Variants in MAPK15 observed in about 807,000 individuals in gnomAD.
MAPK15 encodes mitogen-activated protein kinase 15.
Under a neutral mutation model 60.8 loss-of-function variants are expected in MAPK15, and 61 were observed. That is an observed-to-expected ratio of 1.00 (90% confidence interval 0.82 to 1.24). MAPK15 has a LOEUF of 1.24. MAPK15 is among the 50% of genes most tolerant of loss of function. The pLI is 0.00. For missense variants in MAPK15, 808 were observed against 741.1 expected, an observed-to-expected ratio of 1.09 and a Z score of -1.05; for synonymous variants, 356 against 319.9, an observed-to-expected ratio of 1.11 and a Z score of -1.21.
chr8:143,718,021 A>G (rs782390013), intron 2 of MAPK15, 26 bp from the exon 3 acceptor site: 1 of 1,614,048 alleles, frequency 6.2e-7, no homozygotes, highest in East Asian at 2.2e-5. Flanking sequence ...CCACCCACCC[A>G]CACACCTGTG....
chr8:143,720,212 C>T lies in MAPK15; in HGVS notation c.722-18C>T, dbSNP rs1554619376. On this transcript the variant is annotated intron_variant, in intron 7 of 13. Coordinates refer to ENST00000338033, the MANE Select transcript of MAPK15 (RefSeq NM_139021.3). This position sits in a 1 kb window ranked among gnomAD's most constrained non-coding sequence, Gnocchi z 4.6. ...CCGACCAGGCCTGCCTGGGTCACAC[C>T]ACCTTCTGCTGCCCCAGACCTCCTG... The T allele has an allele frequency of 2.6e-6, 4 of 1,560,470 alleles. No individual in the cohort carries two copies. The Admixed American group carries it at 7.6e-5, about 30-fold the overall frequency.
Position 143,717,754 on chromosome 8 carries a change from A to G in MAPK15, c.127A>G (p.Lys43Glu), listed in dbSNP as rs200988940. Residue 43 changes from lysine to glutamate, a missense_variant, in exon 2 of 14, where the codon AAA (lysine) becomes GAA (glutamate). Lys to Glu is a moderately conservative substitution (Grantham distance 56). Transcript: ENST00000338033. ...GACTGGTGAGGTCGTGGCCATCAAG[A>G]AAATCTTTGATGCTTTTAGGGATAA... ...RRTGEVVAIKKIFDAFRDKTD... is the reference protein window; with the variant it reads ...RRTGEVVAIKEIFDAFRDKTD... 2.9e-4 allele frequency: 471 copies of G among 1,612,424 alleles called. No homozygotes were observed. Among genetic ancestry groups the G allele is most frequent in the Non-Finnish European group, 3.8e-4 (450 of 1,179,536 alleles).
In MAPK15 at chr8:143,722,456, C is replaced by G. The variant is rs1818125635; in HGVS notation, c.*205C>G. On this transcript the variant is annotated 3_prime_UTR_variant, in exon 14 of 14. Coordinates refer to ENST00000338033, the MANE Select transcript of MAPK15 (RefSeq NM_139021.3). The stretch of plus-strand genomic sequence containing the variant: ...CCTCCAATAAAGTCATGTCTGCCCC[C>G]AACCTAAGCAGCCATCGTTCCTCCC... 1 of 501,268 alleles carries G rather than the reference C, an allele frequency of 2.0e-6. No homozygotes were observed. The highest frequency in any genetic ancestry group is 3.5e-6 in the Non-Finnish European group (1 of 288,068). The allele number at this position is 501,268 out of a possible 1,614,324, so 31.1% of individuals were successfully genotyped here.
Position 143,719,337 on chromosome 8 carries a change from C to T in MAPK15, c.582-6C>T, listed in dbSNP as rs370285501. 240 of 1,596,278 alleles carry T rather than the reference C, an allele frequency of 1.5e-4. No homozygotes were observed. The highest frequency in any genetic ancestry group is 2.0e-4 in the Non-Finnish European group (230 of 1,170,126). ...CTCTCCATGCCTACACCGCTTCCTG[C>T]CCCAGATACACCCTTGGGGTGGACA... On this transcript the variant is annotated splice_region_variant and splice_polypyrimidine_tract_variant and intron_variant, in intron 6 of 13. Coordinates refer to ENST00000338033, the MANE Select transcript of MAPK15 (RefSeq NM_139021.3).
In MAPK15 at chr8:143,721,346, GGACACCTGTGCAGGGTCCCA is replaced by G. The variant is rs1563752156; in HGVS notation, c.1143_1162del (p.Pro382GlnfsTer9). ...AGAGCCGACCCTCAGCTGCCTTCTA[GGACACCTGTGCAGGGTCCCA>G]GACCCAGGCCCCAGAGCAGCCCAGG... On this transcript the variant is annotated frameshift_variant, in exon 11 of 14. Coordinates refer to ENST00000338033, the MANE Select transcript of MAPK15 (RefSeq NM_139021.3). LOFTEE classifies it high-confidence loss of function. 1 of 1,613,624 alleles carries G rather than the reference GGACACCTGTGCAGGGTCCCA, an allele frequency of 6.2e-7. No individual in the cohort carries two copies. The highest frequency in any genetic ancestry group is 2.2e-5 in the East Asian group (1 of 44,858).
Position 143,721,665 on chromosome 8 carries a change from C to G in MAPK15, c.1321C>G (p.Leu441Val). Residue 441 changes from leucine (L) to valine (V), a missense_variant, in exon 12 of 14, where the codon CTC becomes GTC. Physicochemically the swap from Leu to Val is conservative, Grantham distance 32 (BLOSUM62 1). Transcript: ENST00000338033. The stretch of plus-strand genomic sequence containing the variant: ...GGCGAAGGAAGCGCCCCCCTTGACA[C>G]TCTCGCTGGTAAGTCATGGTGGGGC... ...PGAKEAPPLT[L>V]SLVKPSGRGA... The G allele has an allele frequency of 6.2e-7, 1 of 1,608,562 alleles. No homozygotes were observed. The highest frequency in any genetic ancestry group is 1.7e-4 in the Middle Eastern group (1 of 6,028).
chr8:143,721,962 A>G, intron 13 of MAPK15, 82 bp downstream of exon 13: 2 of 1,250,890 alleles, frequency 1.6e-6, no homozygotes, highest in Non-Finnish European at 2.0e-6. Context: ...TCCCTTCCCC[A>G]TGCTTCCCAT....
At chr8:143,717,935 C>T (rs533861590) in intron 2 of MAPK15, 112 bp from the exon 3 acceptor site, 159 of 1,534,040 alleles carry the variant, frequency 1.0e-4, no homozygotes, top group Non-Finnish European at 1.3e-4. Flanking sequence ...CCCCTTGCCA[C>T]GCCTGGTCTG....
rs1208066490 is a variant in MAPK15 at position 143,720,055 on chromosome 8, G to A, written c.722-175G>A. On this transcript the variant is annotated intron_variant, in intron 7 of 13. Coordinates refer to ENST00000338033, the MANE Select transcript of MAPK15 (RefSeq NM_139021.3). This position sits in a 1 kb window ranked among gnomAD's most constrained non-coding sequence, Gnocchi z 4.6. ...GCAGGGGTCATGTGCGGGTGCTCCC[G>A]TGCACAGGCTGGGTGGCACGCCCTG... 18 of 894,982 alleles carry A rather than the reference G, an allele frequency of 2.0e-5. No homozygotes were observed. In the Middle Eastern group the frequency reaches 1.4e-3, roughly 68 times the overall value. The allele number at this position is 894,982 out of a possible 1,614,324, so 55.4% of individuals were successfully genotyped here.
chr8:143,719,767 G>C lies in MAPK15; in HGVS notation c.721+285G>C, dbSNP rs557569447. ...GCTGGACAAGGTCCCCAAGGGATTCGGGTAGCAGGGGCAGGGACTGTCACT... is the reference window on the plus strand; with the variant it reads ...GCTGGACAAGGTCCCCAAGGGATTCCGGTAGCAGGGGCAGGGACTGTCACT... On this transcript the variant is annotated intron_variant, in intron 7 of 13. Coordinates refer to ENST00000338033, the MANE Select transcript of MAPK15 (RefSeq NM_139021.3). 8.1e-4 allele frequency among the ~76,000 whole-genome samples: 124 copies of C among 152,288 alleles called. 1 individual carries two copies. In the Middle Eastern group the frequency reaches 0.014, roughly 17 times the overall value.
chr8:143,718,727 G>GGGCCCCCCCCCCCCCCCCC, intron 4 of MAPK15, 48 bp from the exon 5 acceptor site: 1 of 514,516 alleles, frequency 1.9e-6, no homozygotes, highest in East Asian at 3.3e-5. Flanking sequence ...CCCCCAGGTT[G>GGGCCCCCCCCCCCCCCCCC]CCCCCCCAGC....
rs782573328 is a variant in MAPK15 at position 143,717,674 on chromosome 8, G to GT, written c.67-19dup. The GT allele has an allele frequency of 1.3e-5, 20 of 1,581,678 alleles. 2 individuals are homozygous for GT. In the South Asian group the frequency reaches 2.2e-4, roughly 17 times the overall value. ...GATGGGGGGAAGGGGCTGGCCCTGTGTGACGGCACTCCTTCCCAGGCCTAT... is the reference window on the plus strand; with the variant it reads ...GATGGGGGGAAGGGGCTGGCCCTGTGTTGACGGCACTCCTTCCCAGGCCTAT... On this transcript the variant is annotated intron_variant, in intron 1 of 13. Coordinates refer to ENST00000338033, the MANE Select transcript of MAPK15 (RefSeq NM_139021.3).
In MAPK15 at chr8:143,721,231, A is replaced by G; in HGVS notation, c.1024A>G (p.Met342Val). 1 of 1,606,960 alleles carries G rather than the reference A, an allele frequency of 6.2e-7. No individual in the cohort carries two copies. Among genetic ancestry groups the G allele is most frequent in the Non-Finnish European group, 8.5e-7 (1 of 1,176,510 alleles). The change falls in exon 11 of 14, where the codon ATG (methionine) becomes GTG (valine). Residue 342 changes from methionine to valine, a missense_variant and splice_region_variant. Met to Val is a conservative substitution (Grantham distance 21). Coordinates refer to ENST00000338033, the MANE Select transcript of MAPK15 (RefSeq NM_139021.3). ...VPEYRSRVYQ[M>V]ILECGGSSGT... ...TCTGAGCACCCTTCCCCTCCCGCAGATGATCCTGGAGTGTGGAGGCAGCAG... is the reference window on the plus strand; with the variant it reads ...TCTGAGCACCCTTCCCCTCCCGCAGGTGATCCTGGAGTGTGGAGGCAGCAG...
chr8:143,721,790 C>A lies in MAPK15; in HGVS notation c.1368C>A (p.Thr456=). The A allele has an allele frequency of 6.2e-7, 1 of 1,613,290 alleles. No homozygotes were observed. Among genetic ancestry groups the A allele is most frequent in the Non-Finnish European group, 8.5e-7 (1 of 1,179,828 alleles). Residue 456 remains threonine (T), a synonymous_variant, in exon 13 of 14, where the codon ACC becomes ACA. Coordinates refer to ENST00000338033, the MANE Select transcript of MAPK15 (RefSeq NM_139021.3). ...PSGRGAAPSL[T]SQAAAQVANQ... The stretch of plus-strand genomic sequence containing the variant: ...GGAGGGGAGCTGCGCCCTCCCTGAC[C>A]TCCCAGGCTGCGGCTCAGGTGGCCA...
rs782272659 is a variant in MAPK15, at chr8:143,717,798, T to C, written c.165+6T>C. Reference sequence around the variant, plus strand: ...GGGATAAGACAGATGCCCAGGTGAGTGTGTGGGGAGAAGCGTGGGAGAGGA... The same window carrying C: ...GGGATAAGACAGATGCCCAGGTGAGCGTGTGGGGAGAAGCGTGGGAGAGGA... On this transcript the variant is annotated splice_donor_region_variant and intron_variant, in intron 2 of 13. Transcript: ENST00000338033. The C allele has an allele frequency of 6.2e-7, 1 of 1,607,858 alleles. No homozygotes were observed. Among genetic ancestry groups the C allele is most frequent in the Non-Finnish European group, 8.5e-7 (1 of 1,177,178 alleles).
At chr8:143,716,576 G>A (rs1554618410) in intron 1 of MAPK15, 133 bp downstream of exon 1, 1 of 754,558 alleles carries the variant, frequency 1.3e-6, no homozygotes, top group East Asian at 3.3e-5. Flanking sequence ...CCGTAGGCGG[G>A]AGAGGTGGTC....
chr8:143,722,006 G>A, intron 13 of MAPK15, 69 bp from the exon 14 acceptor site: 4 of 1,549,494 alleles, frequency 2.6e-6, no homozygotes, highest in South Asian at 1.2e-5. Context: ...ATCTCTCGAG[G>A]ACCTCAAGGC....
chr8:143,718,057 G>T lies in MAPK15; in HGVS notation c.176G>T (p.Arg59Leu), dbSNP rs139756179. ...TTTCTGTCTCTTCAGAGAACATTCCGGGAAATCACGCTCCTCCAGGTGAGT... is the reference window on the plus strand; with the variant it reads ...TTTCTGTCTCTTCAGAGAACATTCCTGGAAATCACGCTCCTCCAGGTGAGT... ...RDKTDAQRTF[R>L]EITLLQEFGD... The change falls in exon 3 of 14, where the codon CGG (arginine) becomes CTG (leucine). Residue 59 changes from arginine (R) to leucine (L), a missense_variant. Arg to Leu is a moderately radical substitution (Grantham distance 102, BLOSUM62 -2). Transcript: ENST00000338033. 1 of 1,614,102 alleles carries T rather than the reference G, an allele frequency of 6.2e-7. No homozygotes were observed. The highest frequency in any genetic ancestry group is 1.1e-5 in the South Asian group (1 of 91,086).
chr8:143,718,657 C>T (rs527829373), intron 4 of MAPK15, 118 bp from the exon 5 acceptor site: 150 of 897,434 alleles, frequency 1.7e-4, no homozygotes, highest in Non-Finnish European at 2.3e-4. Context: ...AGGAGCGGGG[C>T]GGCCAGGCCG....
Sources: gnomAD v4.1 joint callset for allele counts (sites outside exome capture counted in the v4.1 genomes callset) on GRCh38, gnomAD v4.1.1 for gene constraint, Gnocchi (gnomAD v3.1) non-coding constraint, MANE v1.5 for transcripts, NCBI Gene and HGNC (gene_info 2026-07-23, HGNC 2026-07-21) for gene names.